Variants in PRDM5 observed in about 807,000 individuals in gnomAD.
PRDM5 encodes PR domain zinc finger protein 5.
In PRDM5, 56 loss-of-function variants were observed where a neutral mutation model predicts 81.2. The observed-to-expected ratio is 0.69, with a 90% CI of 0.56 to 0.86. The LOEUF is 0.86. Ranked by LOEUF, PRDM5 falls within the 40% of genes least tolerant of loss-of-function variation. The probability of loss-of-function intolerance (pLI) is 0.00; values close to 1 mark genes in which losing one functional copy is unlikely to be tolerated. For synonymous variants in PRDM5, 267 were observed against 256.4 expected, an observed-to-expected ratio of 1.04 and a Z score of -0.39; for missense variants, 697 against 770.1, an observed-to-expected ratio of 0.91 and a Z score of 1.12.
At chr4:120,853,565 T>C (rs761916294) in intron 2 of PRDM5, 25 bp from the exon 3 acceptor site, 1 of 1,613,392 alleles carries the variant, frequency 6.2e-7, no homozygotes, top group Admixed American at 1.7e-5. Context: ...GCTCCTGAGT[T>C]TACAATGGAA....
intron 14 of PRDM5, among the ~76,000 whole-genome samples, chr4:120,714,544 G>A (rs191884267): frequency 3.3e-5 from 5 of 151,986 alleles, no homozygotes; most frequent in African/African-American, 1.2e-4. Flanking sequence ...CATAAGCAAC[G>A]CATGTTGTTT....
chr4:120,865,157 G>A (rs750632224), intron 2 of PRDM5, among the ~76,000 whole-genome samples: 5 of 152,136 alleles, frequency 3.3e-5, no homozygotes, highest in Admixed American at 6.6e-5. Flanking sequence ...GAGGCTGCAC[G>A]GGAACCTTTC....
chr4:120,905,595 C>A (rs1334581695), intron 2 of PRDM5, among the ~76,000 whole-genome samples: 3 of 152,160 alleles, frequency 2.0e-5, no homozygotes, highest in Non-Finnish European at 4.4e-5. Flanking sequence ...CTCAAGACCA[C>A]AGCATCACCT....
chr4:120,799,778 T>C, intron 8 of PRDM5, 33 bp from the exon 9 acceptor site: 1 of 1,603,786 alleles, frequency 6.2e-7, no homozygotes, highest in Admixed American at 1.7e-5. Flanking sequence ...TTAAATCAAC[T>C]GTCAAAGCCT....
At chr4:120,851,391 A>C (rs192590163) in intron 3 of PRDM5, among the ~76,000 whole-genome samples, 12 of 152,026 alleles carry the variant, frequency 7.9e-5, no homozygotes, top group Admixed American at 5.2e-4. Context: ...TGATGTTCTC[A>C]TGGATGAGTT....
downstream of PRDM5, among the ~76,000 whole-genome samples, chr4:120,689,009 A>G (rs2148976904): frequency 6.6e-6 from 1 of 152,244 alleles, no homozygotes; most frequent in East Asian, 1.9e-4. Flanking sequence ...TGTGCCATCC[A>G]TATACCCCCT....
At chr4:120,800,622 A>T (rs757794056) in intron 8 of PRDM5, among the ~76,000 whole-genome samples, 1 of 152,148 alleles carries the variant, frequency 6.6e-6, no homozygotes, top group South Asian at 2.1e-4. Flanking sequence ...GAATAACTCT[A>T]AAGATCTAAT....
chr4:120,867,216 A>C (rs536454570), intron 2 of PRDM5, among the ~76,000 whole-genome samples: 7 of 152,272 alleles, frequency 4.6e-5, no homozygotes, highest in African/African-American at 1.7e-4. Context: ...TAAGACCCTT[A>C]AGCAGAAAAC....
intron 15 of PRDM5, among the ~76,000 whole-genome samples, chr4:120,699,764 A>G (rs1159909967): frequency 2.0e-5 from 3 of 152,194 alleles, no homozygotes; most frequent in Admixed American, 2.0e-4. Context: ...AAGAAATCAC[A>G]GATGATACAA....
At chr4:120,743,454 T>A in intron 14 of PRDM5, among the ~76,000 whole-genome samples, 1 of 147,702 alleles carries the variant, frequency 6.8e-6, no homozygotes, top group South Asian at 2.2e-4. Flanking sequence ...GTAAATGGAC[T>A]AAATGCTCCA....
chr4:120,900,545 A>T (rs1765121777), intron 2 of PRDM5, among the ~76,000 whole-genome samples: 1 of 152,212 alleles, frequency 6.6e-6, no homozygotes, highest in Non-Finnish European at 1.5e-5. Flanking sequence ...AACAGAGGTT[A>T]TTAACTAAGA....
In PRDM5 at chr4:120,827,065, T is replaced by C. The variant is rs6818794; in HGVS notation, c.301-5720A>G. The stretch of plus-strand genomic sequence containing the variant: ...GTCAACAAATCTACAAAGTGAGTCA[T>C]TCATAATCCCCAACCAAAAAAATTA... On this transcript the variant is annotated intron_variant, in intron 3 of 15. Coordinates refer to ENST00000264808, the MANE Select transcript of PRDM5 (RefSeq NM_018699.4). Among the ~76,000 whole-genome samples the C allele has an allele frequency of 4.5e-3, 691 of 152,242 alleles. 6 individuals are homozygous for C. Among genetic ancestry groups the C allele is most frequent in the African/African-American group, 0.013 (542 of 41,530 alleles).
At chr4:120,807,108 A>G (rs1753095258) in intron 8 of PRDM5, among the ~76,000 whole-genome samples, 1 of 152,258 alleles carries the variant, frequency 6.6e-6, no homozygotes, top group Admixed American at 6.5e-5. Context: ...AATGCTCATC[A>G]TCACTGGCCA....
At chr4:120,859,007 A>C (rs1450398643) in intron 2 of PRDM5, among the ~76,000 whole-genome samples, 1 of 152,128 alleles carries the variant, frequency 6.6e-6, no homozygotes, top group Non-Finnish European at 1.5e-5. Flanking sequence ...AATGGGGACA[A>C]CAGTTTCTGC....
At chr4:120,735,511 C>T (rs1320698145) in intron 14 of PRDM5, among the ~76,000 whole-genome samples, 1 of 151,998 alleles carries the variant, frequency 6.6e-6, no homozygotes, top group Non-Finnish European at 1.5e-5. Context: ...GGCCTTTGTG[C>T]TACTGTACCC....
At chr4:120,841,927 TATTG>T (rs1370859796) in intron 3 of PRDM5, among the ~76,000 whole-genome samples, 1 of 152,258 alleles carries the variant, frequency 6.6e-6, no homozygotes, top group African/African-American at 2.4e-5. Flanking sequence ...TTTAGTGCAA[TATTG>T]ATTAATTCTC....
intron 8 of PRDM5, among the ~76,000 whole-genome samples, chr4:120,803,494 T>C (rs1310643671): frequency 1.3e-5 from 2 of 152,200 alleles, no homozygotes; most frequent in Non-Finnish European, 2.9e-5. Flanking sequence ...CCCATCAGAC[T>C]AACAGTGGAT....
chr4:120,919,819 T>A (rs1013837887), intron 1 of PRDM5, among the ~76,000 whole-genome samples: 5 of 152,296 alleles, frequency 3.3e-5, no homozygotes, highest in African/African-American at 1.2e-4. Flanking sequence ...ATTTCATTAT[T>A]TTTCCTTATT....
chr4:120,694,927 T>C lies in PRDM5; in HGVS notation c.*184A>G, dbSNP rs1295392232. On this transcript the variant is annotated 3_prime_UTR_variant, in exon 16 of 16. Transcript: ENST00000264808. ...TGTATTTTTTTTCCATTTATACCATTTCTTGTTAAAAGTAAGACTTTTTTT... is the reference window on the plus strand; with the variant it reads ...TGTATTTTTTTTCCATTTATACCATCTCTTGTTAAAAGTAAGACTTTTTTT... The C allele has an allele frequency of 1.5e-6, 1 of 648,750 alleles. No homozygotes were observed. Among genetic ancestry groups the C allele is most frequent in the African/African-American group, 1.8e-5 (1 of 54,818 alleles). 40.2% of individuals were successfully genotyped at this position (648,750 alleles called of 1,614,324 possible).
Sources: allele counts gnomAD v4.1 joint callset (sites outside exome capture counted in the v4.1 genomes callset), GRCh38; gene constraint gnomAD v4.1.1; transcripts MANE v1.5; gene names NCBI Gene and HGNC (gene_info 2026-07-23, HGNC 2026-07-21).